Variants in RGS7 observed in about 807,000 individuals in gnomAD.
RGS7 encodes regulator of G protein signaling 7, also known as regulator of G-protein signaling 7.
In RGS7, 27 loss-of-function variants were observed where a neutral mutation model predicts 81.1. The ratio of observed to expected loss-of-function variants is 0.33; its 90% CI spans 0.25 to 0.46. The LOEUF (loss-of-function observed/expected upper bound fraction) is 0.46, where lower values mean the gene tolerates loss of function less well. Among genes scored for constraint, RGS7 ranks in the 20% least tolerant of loss-of-function variants. RGS7 has a pLI of 1.00. For synonymous variants in RGS7, 208 were observed against 207.7 expected (o/e 1.00, Z -0.01); for missense variants, 396 against 607.4 (o/e 0.65, Z 3.66).
chr1:241,229,959 C>A (rs1485460434), intron 2 of RGS7, among the ~76,000 whole-genome samples: 1 of 152,148 alleles, frequency 6.6e-6, no homozygotes, highest in Admixed American at 6.5e-5. Flanking sequence ...AACAGATAAC[C>A]TCGGAAGTTC....
chr1:240,823,878 T>C (rs1692296732), intron 10 of RGS7, among the ~76,000 whole-genome samples: 1 of 142,252 alleles, frequency 7.0e-6, no homozygotes, highest in Admixed American at 7.2e-5. Context: ...ATACAGAATC[T>C]ATTACAGTAA....
At chr1:240,960,220 T>TTC (rs1681162902) in intron 4 of RGS7, among the ~76,000 whole-genome samples, 1 of 4,870 alleles carries the variant, frequency 2.1e-4, no homozygotes, top group African/African-American at 7.8e-4. Context: ...TCTTCTTCTT[T>TTC]TTTTTTTTTT....
At chr1:241,221,031 AAGGAAGGAAAAGAAAG>A (rs2074937523) in intron 2 of RGS7, among the ~76,000 whole-genome samples, 1 of 110,954 alleles carries the variant, frequency 9.0e-6, no homozygotes, top group East Asian at 4.6e-4. Context: ...GGAAGGAAGG[AAGGAAGGAAAAGAAAG>A]AAAGAAAGAA....
chr1:241,039,405 C>G (rs1036817698), intron 3 of RGS7, among the ~76,000 whole-genome samples: 1 of 152,084 alleles, frequency 6.6e-6, no homozygotes, highest in African/African-American at 2.4e-5. Flanking sequence ...GGATCTTATT[C>G]GTTGAATCAG....
At chr1:241,306,127 T>TTC (rs553769905) in intron 2 of RGS7, among the ~76,000 whole-genome samples, 28 of 85,600 alleles carry the variant, frequency 3.3e-4, no homozygotes, top group South Asian at 2.4e-3. Flanking sequence ...TCATCTCTTT[T>TTC]TCACACACAC....
At chr1:240,933,168 C>A (rs974988782) in intron 5 of RGS7, among the ~76,000 whole-genome samples, 3 of 151,744 alleles carry the variant, frequency 2.0e-5, no homozygotes, top group Non-Finnish European at 4.4e-5. Context: ...AGGTGTGAGC[C>A]ACCGCGCCCG....
intron 2 of RGS7, among the ~76,000 whole-genome samples, chr1:241,250,531 ATGT>A (rs2076778817): frequency 1.3e-5 from 2 of 152,156 alleles, no homozygotes; most frequent in Admixed American, 6.5e-5. Flanking sequence ...GTGAGAATAA[ATGT>A]TGTTGATTGC....
At chr1:241,268,705 C>T (rs569644108) in intron 2 of RGS7, among the ~76,000 whole-genome samples, 1 of 152,150 alleles carries the variant, frequency 6.6e-6, no homozygotes, top group African/African-American at 2.4e-5. Context: ...ATCTAGAGCC[C>T]CCAGTCATGT....
intron 2 of RGS7, among the ~76,000 whole-genome samples, chr1:241,318,667 G>C (rs915937757): frequency 4.6e-5 from 7 of 151,828 alleles, no homozygotes; most frequent in African/African-American, 1.7e-4. Context: ...GTAGAGACAG[G>C]GCTTCTCCAT....
At chr1:241,006,740 ACTACACGGGTTCC>A (rs2058701701) in intron 3 of RGS7, among the ~76,000 whole-genome samples, 1 of 152,144 alleles carries the variant, frequency 6.6e-6, no homozygotes, top group South Asian at 2.1e-4. Context: ...ACAGGTTTGA[ACTACACGGGTTCC>A]CTTATAGGTG....
At chr1:240,806,065 G>T in intron 15 of RGS7, 75 bp downstream of exon 15, 1 of 1,294,686 alleles carries the variant, frequency 7.7e-7, no homozygotes, top group Non-Finnish European at 1.1e-6. Flanking sequence ...CATTTAGAAT[G>T]AAAATAAAAT....
chr1:241,136,447 A>T (rs560246388), intron 2 of RGS7, among the ~76,000 whole-genome samples: 3 of 151,576 alleles, frequency 2.0e-5, no homozygotes, highest in East Asian at 3.9e-4. Context: ...TTTGGAGATA[A>T]GGGGGGGGAT....
At chr1:240,812,179 A>G (rs1210243724) in intron 13 of RGS7, 136 bp from the exon 14 acceptor site, 6 of 845,600 alleles carry the variant, frequency 7.1e-6, no homozygotes, top group Non-Finnish European at 1.1e-5. Context: ...TATATATCCG[A>G]TTAACGGCTC....
rs535442824 is a variant in RGS7 at position 241,262,261 on chromosome 1, C to T, written c.78+93438G>A. 3.7e-4 allele frequency among the ~76,000 whole-genome samples: 56 copies of T among 152,310 alleles called. No homozygotes were observed. In the South Asian group the frequency reaches 9.1e-3, roughly 25 times the overall value. On this transcript the variant is annotated intron_variant, in intron 2 of 18. Coordinates refer to ENST00000440928, the MANE Select transcript of RGS7 (RefSeq NM_001364886.1). ...GAGATCCATGTCTCTACAGCTAATA[C>T]GCCATTGTTGCAGTTCTTAAAATAG...
chr1:240,968,076 C>T (rs1682624583), intron 4 of RGS7, among the ~76,000 whole-genome samples: 2 of 152,112 alleles, frequency 1.3e-5, no homozygotes, highest in African/African-American at 4.8e-5. Context: ...TTCGTGAGGG[C>T]CAAGGGTTCA....
chr1:241,132,998 G>T (rs1041110009), intron 2 of RGS7, among the ~76,000 whole-genome samples: 1 of 152,036 alleles, frequency 6.6e-6, no homozygotes, highest in Non-Finnish European at 1.5e-5. Flanking sequence ...TCCTGACCTC[G>T]TAATCCGCCT....
intron 2 of RGS7, among the ~76,000 whole-genome samples, chr1:241,270,703 G>A (rs1222576821): frequency 1.3e-5 from 2 of 151,820 alleles, no homozygotes; most frequent in African/African-American, 2.4e-5. Flanking sequence ...GAGAAACACA[G>A]AGGACCTGAC....
At chr1:240,853,393 C>T (rs1380304) in intron 9 of RGS7, among the ~76,000 whole-genome samples, 115,810 of 152,084 alleles carry the variant, frequency 0.76, 44,251 homozygotes, top group Middle Eastern at 0.87. Flanking sequence ...ACTCTCTCAA[C>T]GACAGCGTAA....
chr1:240,788,260 A>T (rs1465475184), intron 18 of RGS7, among the ~76,000 whole-genome samples: 1 of 152,240 alleles, frequency 6.6e-6, no homozygotes, highest in African/African-American at 2.4e-5. Context: ...GCAGTATGCC[A>T]TATATTTAAT....
Sources: allele counts gnomAD v4.1 joint callset (sites outside exome capture counted in the v4.1 genomes callset), GRCh38; gene constraint gnomAD v4.1.1; transcripts MANE v1.5; gene names NCBI Gene and HGNC (gene_info 2026-07-23, HGNC 2026-07-21).